The following CADPS2 variants were observed in gnomAD, a reference collection of about 807,000 sequenced individuals.
CADPS2 encodes calcium-dependent secretion activator 2.
CADPS2 carries 93 observed loss-of-function variants against 172.5 expected under a neutral mutation model. The observed-to-expected ratio is 0.54, with a 90% CI of 0.46 to 0.64. The LOEUF is 0.64. Ranked by LOEUF, CADPS2 falls within the 30% of genes least tolerant of loss-of-function variation. The pLI is 0.00. For synonymous variants in CADPS2, 546 were observed against 555.2 expected (o/e 0.98, Z 0.23); for missense variants, 1,420 against 1,565.9 (o/e 0.91, Z 1.57).
At chr7:122,692,296 C>A (rs1405775679) in intron 2 of CADPS2, among the ~76,000 whole-genome samples, 1 of 152,182 alleles carries the variant, frequency 6.6e-6, no homozygotes, top group African/African-American at 2.4e-5. Flanking sequence ...CTAGGCTCAC[C>A]CTTGGTGCCC....
intron 1 of CADPS2, among the ~76,000 whole-genome samples, chr7:122,880,242 T>C (rs1033747974): frequency 1.3e-5 from 2 of 152,156 alleles, no homozygotes; most frequent in African/African-American, 4.8e-5. Flanking sequence ...ACACTTACCC[T>C]AAGCATTCAA....
intron 2 of CADPS2, among the ~76,000 whole-genome samples, chr7:122,670,563 T>C (rs971915321): frequency 6.0e-5 from 9 of 151,040 alleles, no homozygotes; most frequent in African/African-American, 2.4e-5. Flanking sequence ...AGTGGCAACA[T>C]CTCAGCTCAC....
intron 28 of CADPS2, among the ~76,000 whole-genome samples, chr7:122,338,212 C>T (rs1397881809): frequency 2.0e-5 from 3 of 152,092 alleles, no homozygotes; most frequent in Non-Finnish European, 2.9e-5. Flanking sequence ...CCCTGGGCAA[C>T]GTGGTGAAAC....
chr7:122,774,834 G>A (rs2139193207), intron 1 of CADPS2, among the ~76,000 whole-genome samples: 1 of 152,146 alleles, frequency 6.6e-6, no homozygotes, highest in East Asian at 1.9e-4. Flanking sequence ...TGTTTCATGA[G>A]CACCTAATTT....
chr7:122,348,350 T>C (rs798681), intron 27 of CADPS2, among the ~76,000 whole-genome samples: 55,083 of 151,978 alleles, frequency 0.36, 10,302 homozygotes, highest in East Asian at 0.52. Flanking sequence ...CACCTGAAAC[T>C]AACACTTTAC....
At chr7:122,426,338 T>C (rs1187302085) in intron 17 of CADPS2, 1 of 152,186 alleles carries the variant, frequency 6.6e-6, no homozygotes, top group Non-Finnish European at 1.5e-5. Context: ...TAGTGCCACT[T>C]TGAATATTTC....
intron 7 of CADPS2, among the ~76,000 whole-genome samples, chr7:122,580,542 G>T (rs2068674751): frequency 6.6e-6 from 1 of 151,500 alleles, no homozygotes; most frequent in Non-Finnish European, 1.5e-5. Flanking sequence ...TCATTTATAA[G>T]TCTGAAGATG....
At chr7:122,788,349 G>C (rs1049745428) in intron 1 of CADPS2, among the ~76,000 whole-genome samples, 1 of 152,122 alleles carries the variant, frequency 6.6e-6, no homozygotes, top group African/African-American at 2.4e-5. Flanking sequence ...AAATGGCCTC[G>C]ATTTATCACC....
chr7:122,573,947 G>T (rs529826038), intron 7 of CADPS2, among the ~76,000 whole-genome samples: 5 of 151,832 alleles, frequency 3.3e-5, no homozygotes, highest in African/African-American at 1.2e-4. Flanking sequence ...TATTGCACTG[G>T]GTTACTTTTG....
At chr7:122,812,437 G>C (rs60559343) in intron 1 of CADPS2, among the ~76,000 whole-genome samples, 5 of 151,024 alleles carry the variant, frequency 3.3e-5, no homozygotes, top group Non-Finnish European at 5.9e-5. Context: ...GAGAGAGAGA[G>C]AGCAAGCAAA....
At chr7:122,745,128 T>G (rs931363750) in intron 1 of CADPS2, among the ~76,000 whole-genome samples, 2 of 152,042 alleles carry the variant, frequency 1.3e-5, no homozygotes, top group Non-Finnish European at 2.9e-5. Flanking sequence ...TGTGTCTGTG[T>G]GTGTGTGTGC....
chr7:122,594,778 TACAATTTTACTTGAC>T (rs1275393788), intron 6 of CADPS2, among the ~76,000 whole-genome samples: 1 of 151,722 alleles, frequency 6.6e-6, no homozygotes, highest in African/African-American at 2.4e-5. Flanking sequence ...CATCTTGGCT[TACAATTTTACTTGAC>T]CAAGTAAAAT....
At chr7:122,745,487 A>G (rs2092683526) in intron 1 of CADPS2, among the ~76,000 whole-genome samples, 1 of 151,740 alleles carries the variant, frequency 6.6e-6, no homozygotes, top group Non-Finnish European at 1.5e-5. Flanking sequence ...TTCTTTCAAT[A>G]AAAGGTGTTT....
chr7:122,451,423 T>C lies in CADPS2; in HGVS notation c.2239A>G (p.Ile747Val), dbSNP rs1359960105. The C allele has an allele frequency of 3.8e-6, 6 of 1,582,068 alleles. No individual in the cohort carries two copies. The African/African-American group carries it at 4.0e-5, about 11-fold the overall frequency. ...SVEEKERFEEIKERLSSLLEN... is the reference protein window; with the variant it reads ...SVEEKERFEEVKERLSSLLEN... The stretch of plus-strand genomic sequence containing the variant: ...AAAAGGGAAGAGAGTCTCTCTTTTA[T>C]CTCCTCAAATCTTTCTTTTTCTTCC... Residue 747 changes from isoleucine (I) to valine (V), a missense_variant, in exon 15 of 30, where the codon ATA becomes GTA. Ile to Val is a conservative substitution (Grantham distance 29). Transcript: ENST00000449022.
At chr7:122,443,984 C>G (rs1230952966) in intron 15 of CADPS2, among the ~76,000 whole-genome samples, 1 of 151,936 alleles carries the variant, frequency 6.6e-6, no homozygotes, top group African/African-American at 2.4e-5. Flanking sequence ...GCAAGTCTTC[C>G]CCCCAGATCA....
At chr7:122,374,926 G>A (rs886738350) in intron 25 of CADPS2, among the ~76,000 whole-genome samples, 4 of 152,100 alleles carry the variant, frequency 2.6e-5, no homozygotes, top group African/African-American at 9.7e-5. Flanking sequence ...TGGAAAGGAA[G>A]TTCAGAAAAC....
At chr7:122,788,552 C>T (rs1794577133) in intron 1 of CADPS2, among the ~76,000 whole-genome samples, 2 of 152,136 alleles carry the variant, frequency 1.3e-5, no homozygotes, top group Admixed American at 1.3e-4. Flanking sequence ...TAAACTCCGC[C>T]CTTCTCAAAA....
At chr7:122,757,370 A>G (rs1280955842) in intron 1 of CADPS2, among the ~76,000 whole-genome samples, 2 of 152,010 alleles carry the variant, frequency 1.3e-5, no homozygotes, top group Non-Finnish European at 2.9e-5. Context: ...GCTGGTCTCA[A>G]ACTTCCTGGC....
chr7:122,383,914 C>T (rs540674821), intron 24 of CADPS2, among the ~76,000 whole-genome samples: 28 of 152,254 alleles, frequency 1.8e-4, no homozygotes, highest in African/African-American at 4.3e-4. Context: ...CTTGCTCCCC[C>T]GAATTGCCAT....
Sources: allele counts gnomAD v4.1 joint callset (sites outside exome capture counted in the v4.1 genomes callset), GRCh38; gene constraint gnomAD v4.1.1; transcripts MANE v1.5; gene names NCBI Gene and HGNC (gene_info 2026-07-23, HGNC 2026-07-21).